The following PRKAR1A variants were observed in gnomAD, a reference collection of about 807,000 sequenced individuals.
PRKAR1A encodes the protein cAMP-dependent protein kinase type I-alpha regulatory subunit.
PRKAR1A carries 3 observed loss-of-function variants against 52.0 expected under a neutral mutation model. The ratio of observed to expected loss-of-function variants is 0.06; its 90% confidence interval spans 0.03 to 0.15. The LOEUF is 0.15. PRKAR1A is among the 10% of genes least tolerant of loss of function. The pLI, the probability that PRKAR1A is intolerant of heterozygous loss-of-function variation, is 1.00. For synonymous variants in PRKAR1A, 188 were observed against 168.4 expected (o/e 1.12, Z -0.90); for missense variants, 240 against 477.4 (o/e 0.50, Z 4.63).
chr17:68,541,136 G>T, intron 11 of PRKAR1A: 1 of 824,862 alleles, frequency 1.2e-6, no homozygotes. Context: ...CATATTCCGT[G>T]TGGTGAGAAG....
At chr17:68,505,872 C>T in the PRKAR1A span, among the ~76,000 whole-genome samples, 4 of 152,058 alleles carry the variant, frequency 2.6e-5, no homozygotes, top group Non-Finnish European at 5.9e-5. Flanking sequence ...ATGTACCACA[C>T]GAATGCAAGA....
At chr17:68,473,834 T>C in the PRKAR1A span, among the ~76,000 whole-genome samples, 1 of 152,202 alleles carries the variant, frequency 6.6e-6, no homozygotes, top group African/African-American at 2.4e-5. Flanking sequence ...CTATCTATTT[T>C]ATATGGATTG....
At chr17:68,478,345 G>A in the PRKAR1A span, among the ~76,000 whole-genome samples, 3 of 152,072 alleles carry the variant, frequency 2.0e-5, no homozygotes, top group African/African-American at 4.8e-5. Flanking sequence ...CCAGCTACTC[G>A]AGAGGCTCAG....
the PRKAR1A span, among the ~76,000 whole-genome samples, chr17:68,482,268 T>C: frequency 4.6e-5 from 7 of 152,250 alleles, no homozygotes; most frequent in Non-Finnish European, 1.0e-4. Flanking sequence ...CCTGGCATAG[T>C]GGTGCATGTT....
At chr17:68,473,526 T>C in the PRKAR1A span, among the ~76,000 whole-genome samples, 1 of 152,084 alleles carries the variant, frequency 6.6e-6, no homozygotes, top group Admixed American at 6.6e-5. Context: ...TATTTATTTA[T>C]TTATTTATTT....
chr17:68,549,844 T>C (rs941442307), intron 11 of PRKAR1A, among the ~76,000 whole-genome samples: 1 of 152,252 alleles, frequency 6.6e-6, no homozygotes, highest in African/African-American at 2.4e-5. Context: ...TTTGCTGTTA[T>C]AGCTCTCATT....
chr17:68,457,339 T>G, the PRKAR1A span: 1 of 1,546,372 alleles, frequency 6.5e-7, no homozygotes, highest in African/African-American at 1.4e-5. Context: ...AGTCGCAGCT[T>G]ACGTGCAGTC....
upstream of PRKAR1A, chr17:68,511,693 G>C (rs1288073618): frequency 6.6e-6 from 1 of 152,258 alleles, no homozygotes; most frequent in Non-Finnish European, 1.5e-5. Flanking sequence ...GCGGAGACTC[G>C]GCAGGGCTCA....
At chr17:68,421,542 C>T in the PRKAR1A span, 5 of 557,672 alleles carry the variant, frequency 9.0e-6, no homozygotes, top group Admixed American at 9.0e-5. Context: ...ATAGTTTGAA[C>T]GTATTTTAAA....
At chr17:68,474,566 G>T in the PRKAR1A span, among the ~76,000 whole-genome samples, 1 of 152,108 alleles carries the variant, frequency 6.6e-6, no homozygotes, top group Non-Finnish European at 1.5e-5. Flanking sequence ...CGTGTCAGGC[G>T]GCTCTCTACA....
chr17:68,432,598 C>T, the PRKAR1A span, among the ~76,000 whole-genome samples: 2 of 151,968 alleles, frequency 1.3e-5, no homozygotes, highest in African/African-American at 2.4e-5. Flanking sequence ...CATGTATCAG[C>T]GTGATAAGGT....
the PRKAR1A span, among the ~76,000 whole-genome samples, chr17:68,436,789 G>C: frequency 6.6e-6 from 1 of 152,208 alleles, no homozygotes; most frequent in African/African-American, 2.4e-5. Context: ...TTGAGGTCAG[G>C]AGTTCCAGAC....
intron 11 of PRKAR1A, among the ~76,000 whole-genome samples, chr17:68,548,464 A>AGGTT (rs1429529892): frequency 6.6e-6 from 1 of 151,996 alleles, no homozygotes; most frequent in Non-Finnish European, 1.5e-5. Flanking sequence ...CAGGAGGCAG[A>AGGTT]GGTTGCAGCG....
Position 68,523,997 on chromosome 17 carries a change from G to A in PRKAR1A, c.441-19G>A, listed in dbSNP as rs942795162. 6.2e-7 allele frequency: 1 copy of A among 1,613,502 alleles called. No homozygotes were observed. The highest frequency in any genetic ancestry group is 8.5e-7 in the Non-Finnish European group (1 of 1,179,546). On this transcript the variant is annotated intron_variant, in intron 4 of 10. Coordinates refer to ENST00000589228, the MANE Select transcript of PRKAR1A (RefSeq NM_002734.5). ...AAGAGACATGTGAAATGTAACACGA[G>A]GCCTTCTCTCTTTTGCAGTGATATT... is the stretch of plus-strand genomic sequence containing the variant.
the PRKAR1A span, chr17:68,428,665 C>T: frequency 3.0e-5 from 18 of 590,268 alleles, no homozygotes; most frequent in Admixed American, 2.6e-4. Context: ...GGGCACCTGA[C>T]ACAGAGCCCG....
In PRKAR1A at chr17:68,531,009, G is replaced by A. The variant is rs1029548849; in HGVS notation, c.*560G>A. Reference sequence around the variant, plus strand: ...TGCCCATTTTTGCTAATTATCAATGGGATATGATTGGTTCAGTTTTTTTTT... The same window carrying A: ...TGCCCATTTTTGCTAATTATCAATGAGATATGATTGGTTCAGTTTTTTTTT... On this transcript the variant is annotated 3_prime_UTR_variant, in exon 11 of 11. Coordinates refer to ENST00000589228, the MANE Select transcript of PRKAR1A (RefSeq NM_002734.5). 6 of 1,070,266 alleles carry A rather than the reference G, an allele frequency of 5.6e-6. No homozygotes were observed. Among genetic ancestry groups the A allele is most frequent in the Non-Finnish European group, 2.3e-6 (2 of 882,474 alleles). 66.3% of individuals were successfully genotyped at this position (1,070,266 alleles called of 1,614,324 possible).
At chr17:68,484,218 A>G in the PRKAR1A span, among the ~76,000 whole-genome samples, 1 of 152,260 alleles carries the variant, frequency 6.6e-6, no homozygotes, top group Non-Finnish European at 1.5e-5. Context: ...CACACAAACA[A>G]ATTAAATCTA....
At chr17:68,514,057 T>C (rs768015618) in intron 1 of PRKAR1A, among the ~76,000 whole-genome samples, 1 of 152,180 alleles carries the variant, frequency 6.6e-6, no homozygotes, top group Non-Finnish European at 1.5e-5. Flanking sequence ...CTAAAGTAAA[T>C]GCGCGTTTTT....
At chr17:68,515,742 A>G in intron 2 of PRKAR1A, 166 bp downstream of exon 2, 1 of 865,738 alleles carries the variant, frequency 1.2e-6, no homozygotes. Flanking sequence ...TAGTAATTTA[A>G]AAATTCTTAA....
Sources: gnomAD v4.1 joint callset for allele counts (sites outside exome capture counted in the v4.1 genomes callset) on GRCh38, gnomAD v4.1.1 for gene constraint, MANE v1.5 for transcripts, NCBI Gene and HGNC (gene_info 2026-07-23, HGNC 2026-07-21) for gene names.